Variants in DOCK3 observed in about 807,000 individuals in gnomAD.
DOCK3 encodes dedicator of cytokinesis protein 3.
In DOCK3, 60 loss-of-function variants were observed where a neutral mutation model predicts 265.6. The ratio of observed to expected loss-of-function variants is 0.23; its 90% CI spans 0.18 to 0.28. The LOEUF (loss-of-function observed/expected upper bound fraction) is 0.28. Ranked by LOEUF, DOCK3 falls within the 10% of genes least tolerant of loss-of-function variation. The pLI, the probability that DOCK3 is intolerant of heterozygous loss-of-function variation, is 1.00. For synonymous variants in DOCK3, 881 were observed against 938.0 expected, an observed-to-expected ratio of 0.94 and a Z score of 1.11; for missense variants, 1,981 against 2,594.3, an observed-to-expected ratio of 0.76 and a Z score of 5.14.
At chr3:50,868,904 T>TTTTTTG (rs2047277899) in intron 3 of DOCK3, among the ~76,000 whole-genome samples, 4 of 140,454 alleles carry the variant, frequency 2.8e-5, no homozygotes, top group African/African-American at 1.2e-4. Flanking sequence ...ATAATCTGTT[T>TTTTTTG]TTTTTTTTTT....
At chr3:51,003,591 T>G (rs1011865197) in intron 5 of DOCK3, among the ~76,000 whole-genome samples, 2 of 152,230 alleles carry the variant, frequency 1.3e-5, no homozygotes, top group African/African-American at 4.8e-5. Context: ...CTTAACATTT[T>G]CCATAGTGGA....
At chr3:51,080,323 T>A (rs538465050) in intron 7 of DOCK3, among the ~76,000 whole-genome samples, 2 of 152,366 alleles carry the variant, frequency 1.3e-5, no homozygotes, top group Non-Finnish European at 2.9e-5. Context: ...TTCCATGCAT[T>A]TCTTAATTAA....
chr3:50,778,327 A>G (rs907646162), intron 1 of DOCK3, among the ~76,000 whole-genome samples: 2 of 152,118 alleles, frequency 1.3e-5, no homozygotes, highest in African/African-American at 4.8e-5. Context: ...AGAAGCTCCT[A>G]ATATTATTTT....
intron 1 of DOCK3, among the ~76,000 whole-genome samples, chr3:50,753,889 A>G (rs1184895313): frequency 6.6e-6 from 1 of 152,084 alleles, no homozygotes; most frequent in Admixed American, 6.6e-5. Flanking sequence ...CAAGAAGTTT[A>G]AAAAATGCTG....
At chr3:50,907,886 C>G (rs1243539425) in intron 4 of DOCK3, among the ~76,000 whole-genome samples, 2 of 151,890 alleles carry the variant, frequency 1.3e-5, no homozygotes, top group African/African-American at 4.8e-5. Flanking sequence ...TTATTACTGC[C>G]TCAATTTCAG....
intron 23 of DOCK3, among the ~76,000 whole-genome samples, chr3:51,269,054 T>A (rs550556542): frequency 5.3e-5 from 8 of 151,506 alleles, no homozygotes; most frequent in African/African-American, 1.7e-4. Context: ...GAATCAGACC[T>A]TCTTCTTTGG....
At chr3:50,868,166 C>A (rs1184737100) in intron 3 of DOCK3, among the ~76,000 whole-genome samples, 1 of 152,006 alleles carries the variant, frequency 6.6e-6, no homozygotes, top group Non-Finnish European at 1.5e-5. Context: ...CTCCACCTCC[C>A]AGGTTCAAGC....
At chr3:51,121,281 G>A (rs867476129) in intron 9 of DOCK3, among the ~76,000 whole-genome samples, 6 of 152,142 alleles carry the variant, frequency 3.9e-5, no homozygotes, top group African/African-American at 4.8e-5. Context: ...GGGGTGAGGC[G>A]ATGCCCCACT....
intron 2 of DOCK3, among the ~76,000 whole-genome samples, chr3:50,822,266 G>T (rs973153728): frequency 4.0e-5 from 6 of 151,750 alleles, no homozygotes; most frequent in African/African-American, 1.5e-4. Context: ...TTTTTTTGTG[G>T]CTATTGTAAG....
chr3:51,350,255 T>A, intron 39 of DOCK3, 33 bp from the exon 40 acceptor site: 1 of 1,577,950 alleles, frequency 6.3e-7, no homozygotes, highest in East Asian at 2.3e-5. Context: ...CCAACAGCAG[T>A]CAAGCCAACC....
intron 9 of DOCK3, among the ~76,000 whole-genome samples, chr3:51,123,902 T>A (rs1223206557): frequency 1.2e-4 from 18 of 152,202 alleles, no homozygotes; most frequent in Admixed American, 1.2e-3. Context: ...AGCAGACCCT[T>A]CTAAATAGCA....
At chr3:50,972,586 T>A (rs2108481378) in intron 5 of DOCK3, among the ~76,000 whole-genome samples, 1 of 152,264 alleles carries the variant, frequency 6.6e-6, no homozygotes, top group African/African-American at 2.4e-5. Flanking sequence ...AGGAACAACA[T>A]TCCCTGAGGA....
intron 1 of DOCK3, 98 bp from the exon 2 acceptor site, chr3:50,778,577 G>T: frequency 2.6e-6 from 2 of 759,950 alleles, no homozygotes; most frequent in Middle Eastern, 4.7e-4. Context: ...AAGAAGGGAA[G>T]GTATACATTT....
intron 12 of DOCK3, among the ~76,000 whole-genome samples, chr3:51,169,671 AC>A (rs2086579577): frequency 6.6e-6 from 1 of 152,036 alleles, no homozygotes; most frequent in Non-Finnish European, 1.5e-5. Context: ...AATAATCTGT[AC>A]AGCCAACCCT....
rs761367690 is a variant in DOCK3, at chr3:51,208,894, GT to G, written c.1126+34del. On this transcript the variant is annotated intron_variant, in intron 13 of 52. Transcript: ENST00000266037. ...TACTTCTCTGACTAGAACATTTTGT[GT>G]TACATTTGTAGTTGCTACTCATACA... The G allele has an allele frequency of 1.9e-6, 3 of 1,579,182 alleles. No individual in the cohort carries two copies. The African/African-American group carries it at 4.0e-5, about 21-fold the overall frequency.
intron 9 of DOCK3, among the ~76,000 whole-genome samples, chr3:51,097,582 C>G (rs2082907792): frequency 6.6e-6 from 1 of 152,196 alleles, no homozygotes. Flanking sequence ...CACTTGGCTC[C>G]CTGGCTTCAG....
At chr3:50,679,706 T>A (rs1432371225) in intron 1 of DOCK3, among the ~76,000 whole-genome samples, 1 of 152,220 alleles carries the variant, frequency 6.6e-6, no homozygotes, top group African/African-American at 2.4e-5. Context: ...GTGTGCTCTT[T>A]AGTTATTTAT....
intron 7 of DOCK3, among the ~76,000 whole-genome samples, chr3:51,085,443 T>C (rs1185803364): frequency 6.6e-6 from 1 of 152,148 alleles, no homozygotes. Context: ...TCAACAAATT[T>C]TGAAAAATCA....
chr3:50,743,849 G>A (rs191221434), intron 1 of DOCK3, among the ~76,000 whole-genome samples: 2 of 152,160 alleles, frequency 1.3e-5, no homozygotes, highest in South Asian at 4.1e-4. Flanking sequence ...TAACTGCCAA[G>A]CTGTTTATGG....
Sources: allele counts gnomAD v4.1 joint callset (sites outside exome capture counted in the v4.1 genomes callset), GRCh38; gene constraint gnomAD v4.1.1; transcripts MANE v1.5; gene names NCBI Gene and HGNC (gene_info 2026-07-23, HGNC 2026-07-21).